DIAPH1: variants seen among roughly 807,000 people sequenced by gnomAD.
DIAPH1 encodes the protein protein diaphanous homolog 1.
DIAPH1 carries 46 observed loss-of-function variants against 140.7 expected under a neutral mutation model. The observed-to-expected ratio is 0.33, with a 90% CI of 0.26 to 0.42. The LOEUF (loss-of-function observed/expected upper bound fraction) is 0.42, where lower values mean the gene tolerates loss of function less well. DIAPH1 is among the 10% of genes least tolerant of loss of function. The pLI is 1.00. For missense variants in DIAPH1, 1,310 were observed against 1,558.7 expected (o/e 0.84, Z 2.69); for synonymous variants, 565 against 551.6 (o/e 1.02, Z -0.34).
At chr5:141,615,323 C>CT (rs1031118063) in intron 1 of DIAPH1, among the ~76,000 whole-genome samples, 2 of 148,946 alleles carry the variant, frequency 1.3e-5, no homozygotes, top group Non-Finnish European at 3.0e-5. Context: ...ATCCCAGCTG[C>CT]TTGGAAGGCT....
chr5:141,602,418 T>C (rs1053703581), intron 1 of DIAPH1, among the ~76,000 whole-genome samples: 3 of 152,164 alleles, frequency 2.0e-5, no homozygotes, highest in African/African-American at 7.2e-5. Context: ...GGTTTCACCG[T>C]ATTAGCCAGG....
chr5:141,585,920 T>C (rs1279692408), intron 3 of DIAPH1, among the ~76,000 whole-genome samples: 1 of 152,242 alleles, frequency 6.6e-6, no homozygotes, highest in African/African-American at 2.4e-5. Context: ...GTGACTAGGA[T>C]ATTTTATGTT....
At chr5:141,524,813 A>C (rs2099887068) in intron 26 of DIAPH1, 1 of 161,550 alleles carries the variant, frequency 6.2e-6, no homozygotes, top group Admixed American at 5.9e-5. Flanking sequence ...ACAACAGCTT[A>C]GGATAGTGAA....
intron 23 of DIAPH1, among the ~76,000 whole-genome samples, chr5:141,527,932 G>C (rs1222898946): frequency 6.6e-6 from 1 of 152,084 alleles, no homozygotes; most frequent in Non-Finnish European, 1.5e-5. Context: ...GCCTTCACAA[G>C]GTATGCAGTA....
intron 18 of DIAPH1, among the ~76,000 whole-genome samples, chr5:141,570,160 G>T (rs1038999813): frequency 6.7e-6 from 1 of 148,852 alleles, no homozygotes; most frequent in Non-Finnish European, 1.5e-5. Flanking sequence ...GGATGGGGGT[G>T]GGGGGAGAAA....
At chr5:141,579,554 T>C (rs569911159) in intron 8 of DIAPH1, among the ~76,000 whole-genome samples, 1 of 152,268 alleles carries the variant, frequency 6.6e-6, no homozygotes, top group Non-Finnish European at 1.5e-5. Flanking sequence ...GTATCCAACA[T>C]ATGGGCATAA....
At chr5:141,517,157 TC>T in intron 27 of DIAPH1, 149 bp from the exon 28 acceptor site, 1 of 856,676 alleles carries the variant, frequency 1.2e-6, no homozygotes, top group Non-Finnish European at 1.9e-6. Flanking sequence ...GGGGCAGAGA[TC>T]CAGCATGTGG....
At chr5:141,518,690 T>G in intron 27 of DIAPH1, 1 of 510,326 alleles carries the variant, frequency 2.0e-6, no homozygotes, top group Non-Finnish European at 3.5e-6. Flanking sequence ...ATCTGGCTAT[T>G]TTTGTATTTT....
Position 141,526,431 on chromosome 5 carries a change from T to G in DIAPH1, c.3304A>C (p.Asn1102His), listed in dbSNP as rs1295292136. 6.2e-7 allele frequency: 1 copy of G among 1,614,172 alleles called. No homozygotes were observed. The highest frequency in any genetic ancestry group is 1.1e-5 in the South Asian group (1 of 91,084). The stretch of plus-strand genomic sequence containing the variant: ...TTAGAATGCATCATCCGCAGCTTGT[T>G]ATACTGTTCCTGTGCATCCTTCACA... ...SFVKDAQEQY[N>H]KLRMMHSNME... Residue 1102 changes from asparagine (N) to histidine (H), a missense_variant, in exon 25 of 28, where the codon AAC becomes CAC. Around this residue, in one of 3 missense-constraint regions of DIAPH1, gnomAD observed 344 missense variants for 512.2 expected, o/e 0.67. Coordinates refer to ENST00000389054, the MANE Select transcript of DIAPH1 (RefSeq NM_005219.5).
At chr5:141,577,450 ACTT>A in intron 12 of DIAPH1, 22 bp downstream of exon 12, 2 of 1,505,704 alleles carry the variant, frequency 1.3e-6, no homozygotes, top group East Asian at 2.3e-5. Context: ...CAAATTCAAA[ACTT>A]CTCATAAGCA....
intron 1 of DIAPH1, among the ~76,000 whole-genome samples, chr5:141,604,850 C>T (rs2099900691): frequency 6.6e-6 from 1 of 152,104 alleles, no homozygotes; most frequent in East Asian, 1.9e-4. Flanking sequence ...GCCCGGTACA[C>T]ATTCAGAATA....
chr5:141,525,858 T>G (rs1227264498), intron 26 of DIAPH1, among the ~76,000 whole-genome samples, 180 bp downstream of exon 26: 1 of 151,988 alleles, frequency 6.6e-6, no homozygotes, highest in African/African-American at 2.4e-5. Flanking sequence ...CCAGGGCAAG[T>G]TGGAATGCGC....
At chr5:141,518,312 GAAAAA>G (rs55840265) in intron 27 of DIAPH1, among the ~76,000 whole-genome samples, 1 of 115,334 alleles carries the variant, frequency 8.7e-6, no homozygotes. Context: ...AGCTCAATTG[GAAAAA>G]AAAAAAAAAA....
At chr5:141,576,733 G>A in intron 13 of DIAPH1, 23 bp downstream of exon 13, 1 of 1,439,866 alleles carries the variant, frequency 6.9e-7, no homozygotes, top group Non-Finnish European at 9.8e-7. Context: ...ACTTGGAGGA[G>A]CCAGATAGAA....
chr5:141,596,516 A>C (rs528623774), intron 1 of DIAPH1, among the ~76,000 whole-genome samples: 1 of 152,142 alleles, frequency 6.6e-6, no homozygotes, highest in Non-Finnish European at 1.5e-5. Flanking sequence ...ATAAAAATTT[A>C]GCGTCTCAGT....
chr5:141,615,469 C>T (rs969532179), intron 1 of DIAPH1, among the ~76,000 whole-genome samples: 15 of 127,404 alleles, frequency 1.2e-4, no homozygotes, highest in Admixed American at 3.2e-4. Flanking sequence ...GGGCCGCACG[C>T]GGTGGCTCAC....
At chr5:141,600,314 G>C (rs1028921820) in intron 1 of DIAPH1, among the ~76,000 whole-genome samples, 8 of 152,300 alleles carry the variant, frequency 5.3e-5, no homozygotes, top group African/African-American at 1.9e-4. Context: ...AGAGCCTCCA[G>C]GTGAGAACTT....
intron 18 of DIAPH1, among the ~76,000 whole-genome samples, chr5:141,549,052 C>G (rs1322726948): frequency 3.3e-5 from 5 of 151,716 alleles, no homozygotes; most frequent in Non-Finnish European, 1.5e-5. Flanking sequence ...AAACAGAAAA[C>G]AAATAGAAAT....
intron 18 of DIAPH1, among the ~76,000 whole-genome samples, chr5:141,536,414 G>C (rs1488577144): frequency 6.6e-6 from 1 of 152,086 alleles, no homozygotes; most frequent in East Asian, 1.9e-4. Flanking sequence ...TATGTGCCAG[G>C]CTCCATTCTG....
Sources: gnomAD v4.1 joint callset for allele counts (sites outside exome capture counted in the v4.1 genomes callset) on GRCh38, gnomAD v4.1.1 for gene constraint, gnomAD v4.1.1 regional missense constraint, MANE v1.5 for transcripts, NCBI Gene and HGNC (gene_info 2026-07-23, HGNC 2026-07-21) for gene names.